The following LAMA2 variants were observed in gnomAD, a reference collection of about 807,000 sequenced individuals.
LAMA2 encodes laminin subunit alpha-2.
In LAMA2, 269 loss-of-function variants were observed where a neutral mutation model predicts 364.8. The observed-to-expected ratio is 0.74, with a 90% CI of 0.67 to 0.82. The LOEUF is 0.82. Ranked by LOEUF, LAMA2 falls within the 40% of genes least tolerant of loss-of-function variation. LAMA2 has a pLI of 0.00. For synonymous variants in LAMA2, 1,379 were observed against 1,370.6 expected, an observed-to-expected ratio of 1.01 and a Z score of -0.14; for missense variants, 3,807 against 3,873.2, an observed-to-expected ratio of 0.98 and a Z score of 0.45.
At chr6:129,047,191 T>TA (rs201633660) in intron 1 of LAMA2, among the ~76,000 whole-genome samples, 44 of 151,376 alleles carry the variant, frequency 2.9e-4, no homozygotes, top group Non-Finnish European at 3.8e-4. Context: ...ATGGAAAAGA[T>TA]AAAAAAAAAT....
At chr6:129,261,131 T>A (rs1487962831) in intron 15 of LAMA2, among the ~76,000 whole-genome samples, 2 of 152,068 alleles carry the variant, frequency 1.3e-5, no homozygotes, top group Non-Finnish European at 2.9e-5. Flanking sequence ...TTCAAAATAT[T>A]TTCTCTTCAT....
At chr6:129,258,742 A>T (rs1479618759) in intron 14 of LAMA2, among the ~76,000 whole-genome samples, 1 of 152,074 alleles carries the variant, frequency 6.6e-6, no homozygotes, top group African/African-American at 2.4e-5. Context: ...ATATGATGTG[A>T]ATTTCATCTA....
chr6:129,417,546 T>G (rs1780861624), intron 40 of LAMA2, among the ~76,000 whole-genome samples: 1 of 152,076 alleles, frequency 6.6e-6, no homozygotes, highest in South Asian at 2.1e-4. Context: ...TCCAGCCCCC[T>G]TCCTTCAGGC....
intron 32 of LAMA2, among the ~76,000 whole-genome samples, chr6:129,363,110 A>G (rs569010302): frequency 4.1e-4 from 63 of 152,282 alleles, no homozygotes; most frequent in African/African-American, 1.5e-3. Flanking sequence ...GGAGTCTGAC[A>G]TCAGCCAGGG....
At chr6:128,894,227 AT>A (rs1402501180) in intron 1 of LAMA2, among the ~76,000 whole-genome samples, 3 of 152,168 alleles carry the variant, frequency 2.0e-5, no homozygotes, top group African/African-American at 7.2e-5. Flanking sequence ...TTATAGTATC[AT>A]TCATAGATCA....
intron 9 of LAMA2, among the ~76,000 whole-genome samples, chr6:129,172,829 A>C (rs551636060): frequency 6.6e-6 from 1 of 152,224 alleles, no homozygotes; most frequent in Non-Finnish European, 1.5e-5. Context: ...GCGAGACTCC[A>C]TGGGCGTAGG....
intron 1 of LAMA2, among the ~76,000 whole-genome samples, chr6:128,988,250 A>G (rs752663984): frequency 1.3e-5 from 2 of 152,206 alleles, no homozygotes; most frequent in Non-Finnish European, 2.9e-5. Flanking sequence ...AGAACATACA[A>G]GGGGACATCT....
intron 12 of LAMA2, among the ~76,000 whole-genome samples, chr6:129,220,910 C>G (rs182223278): frequency 6.6e-6 from 1 of 152,190 alleles, no homozygotes; most frequent in East Asian, 1.9e-4. Context: ...GCCCGTATTC[C>G]CAGCACTGTG....
At chr6:129,290,086 A>G (rs1028930332) in intron 19 of LAMA2, among the ~76,000 whole-genome samples, 3 of 152,170 alleles carry the variant, frequency 2.0e-5, no homozygotes, top group African/African-American at 7.2e-5. Context: ...TTTTTCCATT[A>G]AAATGACACT....
At chr6:129,321,001 C>G (rs769445809) in intron 28 of LAMA2, among the ~76,000 whole-genome samples, 14 of 152,264 alleles carry the variant, frequency 9.2e-5, no homozygotes, top group Non-Finnish European at 1.9e-4. Context: ...TAGGATTATA[C>G]TGGGTTTTGA....
At chr6:129,288,144 A>G in intron 19 of LAMA2, 86 bp downstream of exon 19, 2 of 1,119,126 alleles carry the variant, frequency 1.8e-6, no homozygotes, top group Non-Finnish European at 1.4e-6. Flanking sequence ...TGGATTGAAG[A>G]GTAGGAAATT....
intron 1 of LAMA2, among the ~76,000 whole-genome samples, chr6:128,889,157 G>A (rs1562801138): frequency 6.6e-6 from 1 of 152,180 alleles, no homozygotes; most frequent in African/African-American, 2.4e-5. Flanking sequence ...AAATATGACA[G>A]ATTTTTAAGG....
At chr6:129,160,627 T>A (rs762783329) in intron 8 of LAMA2, among the ~76,000 whole-genome samples, 7 of 151,978 alleles carry the variant, frequency 4.6e-5, no homozygotes, top group Non-Finnish European at 8.8e-5. Flanking sequence ...TTTCATTTTC[T>A]TTTTCTACCT....
At chr6:129,010,888 A>G (rs190806197) in intron 1 of LAMA2, among the ~76,000 whole-genome samples, 4 of 152,298 alleles carry the variant, frequency 2.6e-5, no homozygotes, top group African/African-American at 7.2e-5. Flanking sequence ...TCCTATACCT[A>G]TGTCTTTACT....
At chr6:128,984,422 A>G (rs1048674086) in intron 1 of LAMA2, among the ~76,000 whole-genome samples, 1 of 152,142 alleles carries the variant, frequency 6.6e-6, no homozygotes, top group Non-Finnish European at 1.5e-5. Flanking sequence ...CTTAAATAGG[A>G]AGATCATCAG....
At chr6:129,409,297 C>G (rs1280792274) in intron 40 of LAMA2, among the ~76,000 whole-genome samples, 1 of 152,182 alleles carries the variant, frequency 6.6e-6, no homozygotes, top group Non-Finnish European at 1.5e-5. Context: ...CCTCTGTCAA[C>G]TGATCATGGG....
intron 18 of LAMA2, among the ~76,000 whole-genome samples, chr6:129,283,294 A>G (rs1366341905): frequency 2.4e-4 from 37 of 152,158 alleles, no homozygotes; most frequent in Admixed American, 2.4e-3. Context: ...GAATATCAAG[A>G]GCAATTAAAA....
chr6:129,227,522 C>A (rs146488734), intron 12 of LAMA2, among the ~76,000 whole-genome samples: 1,968 of 152,200 alleles, frequency 0.013, 43 homozygotes, highest in African/African-American at 0.045. Flanking sequence ...GGTGTCCTTT[C>A]TATTTGTTAG....
chr6:129,085,265 T>C (rs1699326426), intron 3 of LAMA2, among the ~76,000 whole-genome samples: 1 of 152,200 alleles, frequency 6.6e-6, no homozygotes, highest in South Asian at 2.1e-4. Flanking sequence ...TAGACTTTTC[T>C]AGTGAAGGCT....
Sources: gnomAD v4.1 joint callset for allele counts (sites outside exome capture counted in the v4.1 genomes callset) on GRCh38, gnomAD v4.1.1 for gene constraint, MANE v1.5 for transcripts, NCBI Gene and HGNC (gene_info 2026-07-23, HGNC 2026-07-21) for gene names.